MACC1: variants seen among roughly 807,000 people sequenced by gnomAD.
The protein encoded by MACC1 is MET transcriptional regulator MACC1.
Under a neutral mutation model 70.7 loss-of-function variants are expected in MACC1, and 79 were observed. The observed-to-expected ratio is 1.12, with a 90% confidence interval of 0.93 to 1.35. The LOEUF is 1.35. Among genes scored for constraint, MACC1 ranks in the 40% most tolerant of loss-of-function variants. The pLI, the probability that MACC1 is intolerant of heterozygous loss-of-function variation, is 0.00. For missense variants in MACC1, 1,106 were observed against 978.1 expected (o/e 1.13, Z -1.74); for synonymous variants, 361 against 347.2 (o/e 1.04, Z -0.44).
chr7:20,178,069 G>C (rs1435584387), intron 1 of MACC1, among the ~76,000 whole-genome samples: 1 of 151,670 alleles, frequency 6.6e-6, no homozygotes, highest in Non-Finnish European at 1.5e-5. Context: ...CCAATTCCAG[G>C]TTTTTAAACT....
chr7:20,201,566 T>A (rs1227890790), intron 1 of MACC1, among the ~76,000 whole-genome samples: 1 of 152,130 alleles, frequency 6.6e-6, no homozygotes, highest in Non-Finnish European at 1.5e-5. Context: ...AACTTTAGCC[T>A]AAAGAAGACG....
intron 1 of MACC1, among the ~76,000 whole-genome samples, chr7:20,178,689 T>G (rs1782451994): frequency 1.3e-5 from 2 of 152,184 alleles, no homozygotes; most frequent in Non-Finnish European, 2.9e-5. Flanking sequence ...AACCTCTGCC[T>G]CCCGGGTTCA....
At position 20,138,725 on chromosome 7, in the gene MACC1, T is replaced by C. The variant is rs1324578372; in HGVS notation, c.*2221A>G. On this transcript the variant is annotated 3_prime_UTR_variant, in exon 7 of 7. Coordinates refer to ENST00000400331, the MANE Select transcript of MACC1 (RefSeq NM_182762.4). The stretch of plus-strand genomic sequence containing the variant: ...AGACAGCCTGTCACCCAGGCTGGAG[T>C]GCAGTGGCATGAACTCGGCTCACTG... 1 of 151,082 alleles carries C rather than the reference T, an allele frequency of 6.6e-6. No individual in the cohort carries two copies. Among genetic ancestry groups the C allele is most frequent in the Non-Finnish European group, 1.5e-5 (1 of 67,860 alleles). 9.4% of individuals were successfully genotyped at this position (151,082 alleles called of 1,614,324 possible).
chr7:20,205,587 A>C (rs1238739804), intron 1 of MACC1, among the ~76,000 whole-genome samples: 2 of 152,188 alleles, frequency 1.3e-5, no homozygotes, highest in African/African-American at 4.8e-5. Flanking sequence ...ACTCATTTGA[A>C]ATAATATTCT....
intron 2 of MACC1, among the ~76,000 whole-genome samples, chr7:20,168,308 G>C (rs1782251861): frequency 6.6e-6 from 1 of 152,066 alleles, no homozygotes; most frequent in South Asian, 2.1e-4. Context: ...AAATAAGGGT[G>C]ACATTTGCAG....
intron 1 of MACC1, among the ~76,000 whole-genome samples, chr7:20,208,122 T>G (rs797000710): frequency 9.8e-5 from 15 of 152,340 alleles, no homozygotes; most frequent in African/African-American, 3.6e-4. Context: ...CTCCCCAGCA[T>G]GCAGAACTGT....
At chr7:20,205,288 A>G (rs1782894870) in intron 1 of MACC1, among the ~76,000 whole-genome samples, 1 of 152,252 alleles carries the variant, frequency 6.6e-6, no homozygotes. Context: ...CCAAAAGAAC[A>G]TAGAAGTTGG....
rs397690486 is a variant in MACC1 at position 20,140,902 on chromosome 7, C to CAA, written c.*43_*44insTT. The CAA allele has an allele frequency of 6.0e-5, 87 of 1,461,942 alleles. No individual in the cohort carries two copies. The Admixed American group carries it at 8.4e-4, about 14-fold the overall frequency. The allele number at this position is 1,461,942 out of a possible 1,614,324, so 90.6% of individuals were successfully genotyped here. Reference sequence around the variant, plus strand: ...ACACACAGACACACACACACACACACCATTACCTCATTTTCCCTCCCATCA... The same window carrying CAA: ...ACACACAGACACACACACACACACACAACATTACCTCATTTTCCCTCCCATCA... On this transcript the variant is annotated 3_prime_UTR_variant, in exon 7 of 7. Transcript: ENST00000400331.
At chr7:20,188,474 C>G (rs112722653) in intron 1 of MACC1, among the ~76,000 whole-genome samples, 2,124 of 152,174 alleles carry the variant, frequency 0.014, 24 homozygotes, top group South Asian at 0.046. Context: ...TCTATTGCAC[C>G]TTTTCTATAA....
chr7:20,195,616 T>C (rs1782738982), intron 1 of MACC1, among the ~76,000 whole-genome samples: 1 of 152,212 alleles, frequency 6.6e-6, no homozygotes. Flanking sequence ...AAAAGGTCTT[T>C]TTAGGACACA....
At position 20,189,183 on chromosome 7, in the gene MACC1, TA is replaced by T. The variant is rs909386027; in HGVS notation, c.-217-18406del. 3.2e-4 allele frequency among the ~76,000 whole-genome samples: 48 copies of T among 152,180 alleles called. 3 individuals carry two copies. Among genetic ancestry groups the T allele is most frequent in the African/African-American group, 1.1e-3 (45 of 41,524 alleles). The stretch of plus-strand genomic sequence containing the variant: ...GGACTTTCCTGGCCTCCTTATTTTT[TA>T]AAAAAAATAATATACACTTCTCATT... On this transcript the variant is annotated intron_variant, in intron 1 of 6. Transcript: ENST00000400331.
intron 5 of MACC1, 123 bp downstream of exon 5, chr7:20,158,081 C>G: frequency 8.5e-7 from 1 of 1,179,574 alleles, no homozygotes; most frequent in African/African-American, 1.5e-5. Context: ...TATAAAGTGT[C>G]TTTAATGTAT....
chr7:20,194,210 T>C, intron 1 of MACC1, among the ~76,000 whole-genome samples: 1 of 152,184 alleles, frequency 6.6e-6, no homozygotes, highest in East Asian at 1.9e-4. Context: ...TGAGGGGTTT[T>C]TGCCGCTTTT....
At chr7:20,174,458 A>G (rs554494649) in intron 1 of MACC1, among the ~76,000 whole-genome samples, 61 of 152,322 alleles carry the variant, frequency 4.0e-4, no homozygotes, top group African/African-American at 1.4e-3. Context: ...AAATATAACT[A>G]TATGGGAAAT....
In MACC1 at chr7:20,159,696, CCTTGATGGTTTA is replaced by C. The variant is rs769634742; in HGVS notation, c.653_664del (p.Val218_Gln221del). 4 of 1,614,052 alleles carry C rather than the reference CCTTGATGGTTTA, an allele frequency of 2.5e-6. No individual in the cohort carries two copies. The highest frequency in any genetic ancestry group is 2.5e-6 in the Non-Finnish European group (3 of 1,180,044). ...TGATTCAGGTAATTGTACTGACCCTCCTTGATGGTTTACTTTGCAAGCTATGGTGACCTCCGC... is the reference window on the plus strand; with the variant it reads ...TGATTCAGGTAATTGTACTGACCCTCCTTTGCAAGCTATGGTGACCTCCGC... On this transcript the variant is annotated inframe_deletion, in exon 5 of 7. Transcript: ENST00000400331.
At chr7:20,194,754 T>C (rs1050872702) in intron 1 of MACC1, among the ~76,000 whole-genome samples, 1 of 152,246 alleles carries the variant, frequency 6.6e-6, no homozygotes, top group Non-Finnish European at 1.5e-5. Context: ...AAAAGCCATC[T>C]CAATACTAAA....
intron 3 of MACC1, 58 bp from the exon 4 acceptor site, chr7:20,161,928 A>C: frequency 1.0e-6 from 1 of 1,003,712 alleles, no homozygotes; most frequent in South Asian, 1.3e-5. Context: ...CTGGCAGAGA[A>C]AATAAACTCA....
chr7:20,141,087 C>T lies in MACC1; in HGVS notation c.2418G>A (p.Val806=). The T allele has an allele frequency of 1.2e-6, 2 of 1,613,608 alleles. No homozygotes were observed. Among genetic ancestry groups the T allele is most frequent in the Non-Finnish European group, 1.7e-6 (2 of 1,179,802 alleles). The change falls in exon 7 of 7, where the codon GTG becomes GTA. Residue 806 remains valine (V), a synonymous_variant. Coordinates refer to ENST00000400331, the MANE Select transcript of MACC1 (RefSeq NM_182762.4). ...SAHYGNNYRD[V]LQDLQSALDR... is the part of the protein sequence containing the mutation. Reference sequence around the variant, plus strand: ...CCAAAGCTGACTGAAGGTCTTGTAACACATCTCTGTAGTTATTTCCATAGT... The same window carrying T: ...CCAAAGCTGACTGAAGGTCTTGTAATACATCTCTGTAGTTATTTCCATAGT...
intron 1 of MACC1, among the ~76,000 whole-genome samples, chr7:20,215,871 A>G (rs761054225): frequency 1.6e-4 from 24 of 152,182 alleles, no homozygotes; most frequent in Non-Finnish European, 2.9e-4. Flanking sequence ...AAAATATTCT[A>G]TTTGTAAATT....
Sources: gnomAD v4.1 joint callset for allele counts (sites outside exome capture counted in the v4.1 genomes callset) on GRCh38, gnomAD v4.1.1 for gene constraint, MANE v1.5 for transcripts, NCBI Gene and HGNC (gene_info 2026-07-23, HGNC 2026-07-21) for gene names.